TMPRSS11F: variants seen among roughly 807,000 people sequenced by gnomAD.
The protein encoded by TMPRSS11F is transmembrane serine protease 11F.
A neutral mutation model predicts 60.2 loss-of-function variants in TMPRSS11F; 47 were observed. The observed-to-expected ratio is 0.78, with a 90% CI of 0.62 to 1.00. The LOEUF (loss-of-function observed/expected upper bound fraction) is 1.00. Ranked by LOEUF, TMPRSS11F falls within the 50% of genes least tolerant of loss-of-function variation. The pLI is 0.00. For missense variants in TMPRSS11F, 519 were observed against 522.9 expected, an observed-to-expected ratio of 0.99 and a Z score of 0.07; for synonymous variants, 166 against 167.3, an observed-to-expected ratio of 0.99 and a Z score of 0.06.
chr4:68,114,939 C>G (rs1237295345), intron 1 of TMPRSS11F, among the ~76,000 whole-genome samples: 1 of 138,408 alleles, frequency 7.2e-6, no homozygotes, highest in Non-Finnish European at 1.5e-5. Context: ...GTGATCATCT[C>G]AATATATTCA....
chr4:68,073,937 C>T lies in TMPRSS11F; in HGVS notation c.350+5G>A. ...AACTTGAAATTATAAACCAAATTTACATACCTTAATTTGATAACATGAGAT... is the reference window on the plus strand; with the variant it reads ...AACTTGAAATTATAAACCAAATTTATATACCTTAATTTGATAACATGAGAT... On this transcript the variant is annotated splice_donor_5th_base_variant and intron_variant, in intron 4 of 9. Coordinates refer to ENST00000356291, the MANE Select transcript of TMPRSS11F (RefSeq NM_207407.2). 1 of 1,553,532 alleles carries T rather than the reference C, an allele frequency of 6.4e-7. No homozygotes were observed. Among genetic ancestry groups the T allele is most frequent in the South Asian group, 1.2e-5 (1 of 83,078 alleles).
chr4:68,118,706 T>C (rs1333159118), intron 1 of TMPRSS11F, among the ~76,000 whole-genome samples: 3 of 152,074 alleles, frequency 2.0e-5, no homozygotes, highest in African/African-American at 7.2e-5. Context: ...GAAATACAAA[T>C]ATTAAAAAAT....
intron 1 of TMPRSS11F, among the ~76,000 whole-genome samples, chr4:68,115,131 T>C (rs1297252043): frequency 6.6e-6 from 1 of 151,042 alleles, no homozygotes; most frequent in African/African-American, 2.4e-5. Flanking sequence ...GGGCAGATCA[T>C]GAGGTCAGGA....
chr4:68,120,481 C>T lies in TMPRSS11F; in HGVS notation c.11+9329G>A, dbSNP rs963862829. Among the ~76,000 whole-genome samples the T allele has an allele frequency of 7.4e-5, 11 of 148,874 alleles. 1 individual carries two copies. The highest frequency in any genetic ancestry group is 1.2e-4 in the Non-Finnish European group (8 of 67,294). ...TCGGCTCACTGCAAGCTCCGCCTCCCGGGTTCACGCCATTCTCCTGCCTCA... is the reference window on the plus strand; with the variant it reads ...TCGGCTCACTGCAAGCTCCGCCTCCTGGGTTCACGCCATTCTCCTGCCTCA... On this transcript the variant is annotated intron_variant, in intron 1 of 9. Transcript: ENST00000356291.
At position 68,073,994 on chromosome 4, in the gene TMPRSS11F, G is replaced by A. The variant is rs542655796; in HGVS notation, c.298C>T (p.Arg100Ter). ...AATCGACCGCCTACAGAAGAATGTC[G>A]AAATATCCTAGACATCTGATTTTTA... ...QIERMMSRIFRHSSVGGRFIK... is the reference protein window; with the variant it reads ...QIERMMSRIF Residue 100 changes from arginine to a stop codon, truncating the protein, a stop_gained, in exon 4 of 10, where the codon CGA becomes TGA. Coordinates refer to ENST00000356291, the MANE Select transcript of TMPRSS11F (RefSeq NM_207407.2). LOFTEE classifies it high-confidence loss of function. 4.4e-6 allele frequency: 7 copies of A among 1,577,538 alleles called. No individual in the cohort carries two copies. Among genetic ancestry groups the A allele is most frequent in the East Asian group, 2.3e-5 (1 of 43,920 alleles).
chr4:68,120,273 T>C (rs1724598142), intron 1 of TMPRSS11F, among the ~76,000 whole-genome samples: 2 of 152,184 alleles, frequency 1.3e-5, no homozygotes, highest in South Asian at 2.1e-4. Flanking sequence ...ATATGCTTAG[T>C]TGATAAAGCA....
intron 2 of TMPRSS11F, among the ~76,000 whole-genome samples, chr4:68,092,368 C>T (rs1227912107): frequency 6.6e-6 from 1 of 152,030 alleles, no homozygotes; most frequent in Non-Finnish European, 1.5e-5. Context: ...GCTGAGATAG[C>T]TTATCATCAC....
intron 3 of TMPRSS11F, chr4:68,077,749 A>G (rs1343330747): frequency 2.0e-5 from 3 of 152,262 alleles, no homozygotes; most frequent in Non-Finnish European, 2.9e-5. Context: ...GTGTAACACT[A>G]CTCAACTTGA....
intron 1 of TMPRSS11F, among the ~76,000 whole-genome samples, chr4:68,108,242 G>A (rs1334729903): frequency 2.0e-5 from 3 of 152,174 alleles, no homozygotes; most frequent in Admixed American, 2.0e-4. Flanking sequence ...GAAGAGTTAA[G>A]GAGGATGCCA....
chr4:68,108,733 C>T (rs2109879123), intron 1 of TMPRSS11F, among the ~76,000 whole-genome samples: 1 of 152,202 alleles, frequency 6.6e-6, no homozygotes, highest in East Asian at 1.9e-4. Context: ...GCTCTCTGTC[C>T]TCAGAAAAGA....
At chr4:68,063,418 C>T (rs772702673) in intron 8 of TMPRSS11F, 11 of 370,192 alleles carry the variant, frequency 3.0e-5, no homozygotes, top group East Asian at 7.2e-5. Flanking sequence ...TGCTCTGTCA[C>T]CAGGCTGCAG....
rs111255848 is a variant in TMPRSS11F, at chr4:68,068,954, T to C, written c.554-135A>G. ...TCATAGCACTCAGCCTTTGAGCTTA[T>C]TTGATACAGGTCTTGCTGATCCTAC... On this transcript the variant is annotated intron_variant, in intron 6 of 9. Transcript: ENST00000356291. 37 of 849,482 alleles carry C rather than the reference T, an allele frequency of 4.4e-5. No individual in the cohort carries two copies. In the African/African-American group the frequency reaches 4.7e-4, roughly 11 times the overall value. The allele number at this position is 849,482 out of a possible 1,614,324, so 52.6% of individuals were successfully genotyped here.
intron 3 of TMPRSS11F, among the ~76,000 whole-genome samples, chr4:68,078,229 A>G (rs975915441): frequency 1.3e-5 from 2 of 152,182 alleles, no homozygotes; most frequent in Admixed American, 6.5e-5. Context: ...TCCTAATCAC[A>G]GTAGGCTGGT....
intron 3 of TMPRSS11F, among the ~76,000 whole-genome samples, chr4:68,087,759 T>C (rs1028325775): frequency 2.0e-5 from 3 of 151,972 alleles, no homozygotes; most frequent in African/African-American, 7.2e-5. Context: ...AGGGTACATA[T>C]GCACAATGTG....
intron 2 of TMPRSS11F, among the ~76,000 whole-genome samples, chr4:68,091,775 CTCTCTCTCTATCTA>C (rs748146285): frequency 0.078 from 4,287 of 55,088 alleles, 96 homozygotes; most frequent in Middle Eastern, 0.19. Flanking sequence ...CTCTCTCTCT[CTCTCTCTCTATCTA>C]TCTATCTATC....
chr4:68,067,634 C>T (rs1177596519), intron 7 of TMPRSS11F, among the ~76,000 whole-genome samples: 1 of 152,208 alleles, frequency 6.6e-6, no homozygotes, highest in Non-Finnish European at 1.5e-5. Context: ...GCCCATAAGG[C>T]ATAATGCCAG....
intron 8 of TMPRSS11F, chr4:68,062,496 A>G (rs1218255734): frequency 1.4e-6 from 1 of 701,072 alleles, no homozygotes; most frequent in South Asian, 1.4e-5. Flanking sequence ...GTAATGTTGT[A>G]ATTAGAAATA....
chr4:68,129,022 T>C (rs1724766635), intron 1 of TMPRSS11F, among the ~76,000 whole-genome samples: 1 of 152,106 alleles, frequency 6.6e-6, no homozygotes, highest in Non-Finnish European at 1.5e-5. Context: ...GTTGGAAACA[T>C]CAGTCAGTGC....
At chr4:68,080,221 G>A (rs566563247) in intron 3 of TMPRSS11F, 6 of 152,354 alleles carry the variant, frequency 3.9e-5, no homozygotes, top group African/African-American at 1.4e-4. Flanking sequence ...ACAAAGCAAA[G>A]CCAGGATCAT....
Sources: gnomAD v4.1 joint callset for allele counts (sites outside exome capture counted in the v4.1 genomes callset) on GRCh38, gnomAD v4.1.1 for gene constraint, MANE v1.5 for transcripts, NCBI Gene and HGNC (gene_info 2026-07-23, HGNC 2026-07-21) for gene names.